Variants in EPB41L4A observed in about 807,000 individuals in gnomAD.
EPB41L4A encodes the protein band 4.1-like protein 4A.
Under a neutral mutation model 108.6 loss-of-function variants are expected in EPB41L4A, and 100 were observed. That is an observed-to-expected ratio of 0.92 (90% CI 0.78 to 1.09). The LOEUF (loss-of-function observed/expected upper bound fraction) is 1.09. Ranked by LOEUF, EPB41L4A falls within the 50% of genes least tolerant of loss-of-function variation. The pLI, the probability that EPB41L4A is intolerant of heterozygous loss-of-function variation, is 0.00. For synonymous variants in EPB41L4A, 319 were observed against 289.0 expected, an observed-to-expected ratio of 1.10 and a Z score of -1.05; for missense variants, 1,030 against 842.7, an observed-to-expected ratio of 1.22 and a Z score of -2.75.
chr5:112,144,569 G>A (rs564456611), intron 13 of EPB41L4A, among the ~76,000 whole-genome samples: 2 of 152,142 alleles, frequency 1.3e-5, no homozygotes, highest in African/African-American at 2.4e-5. Flanking sequence ...GAGCCACCGC[G>A]CCTGGTCTTG....
intron 9 of EPB41L4A, among the ~76,000 whole-genome samples, chr5:112,254,744 C>T (rs1750948648): frequency 6.6e-6 from 1 of 152,122 alleles, no homozygotes; most frequent in Admixed American, 6.5e-5. Context: ...CTCCTTATCT[C>T]TGTATATCTC....
chr5:112,274,880 C>A (rs1373593003), intron 4 of EPB41L4A, among the ~76,000 whole-genome samples: 1 of 152,176 alleles, frequency 6.6e-6, no homozygotes, highest in African/African-American at 2.4e-5. Context: ...ATTATCTTCT[C>A]ATTTCCTATA....
chr5:112,398,020 C>A (rs571594413), intron 1 of EPB41L4A, among the ~76,000 whole-genome samples: 12 of 152,156 alleles, frequency 7.9e-5, no homozygotes, highest in African/African-American at 2.7e-4. Flanking sequence ...AGGCTGGAGA[C>A]AATTGTAAGC....
At chr5:112,175,926 C>T (rs183974455) in intron 18 of EPB41L4A, among the ~76,000 whole-genome samples, 4 of 152,208 alleles carry the variant, frequency 2.6e-5, no homozygotes, top group South Asian at 4.2e-4. Context: ...CCACCATACC[C>T]AGCTTATATT....
chr5:112,330,821 T>C lies in EPB41L4A; in HGVS notation c.100-23331A>G, dbSNP rs115859223. 3.7e-3 allele frequency among the ~76,000 whole-genome samples: 565 copies of C among 152,222 alleles called. 5 individuals are homozygous for C. Among genetic ancestry groups the C allele is most frequent in the African/African-American group, 0.013 (539 of 41,532 alleles). On this transcript the variant is annotated intron_variant, in intron 1 of 22. Coordinates refer to ENST00000261486, the MANE Select transcript of EPB41L4A (RefSeq NM_022140.5). ...ATATATGTTAATATGCATATTTTCA[T>C]ATAGATTTAGAAAAAAATCATCAAG...
At chr5:112,354,583 G>A (rs990114934) in intron 1 of EPB41L4A, among the ~76,000 whole-genome samples, 2 of 152,108 alleles carry the variant, frequency 1.3e-5, no homozygotes, top group African/African-American at 4.8e-5. Context: ...ACCTTACCTC[G>A]CTTCCAAAAT....
In EPB41L4A at chr5:112,265,012, C is replaced by A; in HGVS notation, c.438G>T (p.Glu146Asp). Residue 146 changes from glutamate to aspartate, a missense_variant, in exon 6 of 23, where the codon GAG (glutamate) becomes GAT (aspartate). Glu to Asp is a conservative substitution (Grantham distance 45, BLOSUM62 2). Transcript: ENST00000261486. ...GTTTATATGGGTCATAATCTCCAAG[C>A]TCCGCTAAAAAAGAAAGATAACATA... The part of the protein sequence containing the change: ...AQLGAYAIQS[E>D]LGDYDPYKHT... 6.4e-7 allele frequency: 1 copy of A among 1,569,154 alleles called. No individual in the cohort carries two copies. The highest frequency in any genetic ancestry group is 8.6e-7 in the Non-Finnish European group (1 of 1,162,640).
At chr5:112,198,184 A>G (rs1762053655) in intron 15 of EPB41L4A, among the ~76,000 whole-genome samples, 1 of 151,852 alleles carries the variant, frequency 6.6e-6, no homozygotes, top group Non-Finnish European at 1.5e-5. Flanking sequence ...ACAGGCATGC[A>G]CCACCACGCC....
At chr5:112,347,885 C>T (rs576689266) in intron 1 of EPB41L4A, among the ~76,000 whole-genome samples, 1 of 152,300 alleles carries the variant, frequency 6.6e-6, no homozygotes, top group African/African-American at 2.4e-5. Flanking sequence ...CTCCAATACA[C>T]CCAACCTATT....
At chr5:112,159,540 A>G (rs887550520), downstream of EPB41L4A, among the ~76,000 whole-genome samples, 1 of 152,222 alleles carries the variant, frequency 6.6e-6, no homozygotes, top group African/African-American at 2.4e-5. Context: ...CCTGTGTGAC[A>G]AGACCCTAAG....
intron 12 of EPB41L4A, among the ~76,000 whole-genome samples, chr5:112,155,654 C>T (rs1471969621): frequency 7.2e-5 from 11 of 151,992 alleles, no homozygotes; most frequent in South Asian, 4.1e-4. Context: ...TGTTAAAGAA[C>T]TTTATAGAAA....
chr5:112,317,865 A>G (rs1442320857), intron 1 of EPB41L4A, among the ~76,000 whole-genome samples: 1 of 152,176 alleles, frequency 6.6e-6, no homozygotes, highest in Non-Finnish European at 1.5e-5. Context: ...TTAATGGTAA[A>G]CAGATACAGA....
intron 9 of EPB41L4A, among the ~76,000 whole-genome samples, chr5:112,242,666 C>A (rs1180335411): frequency 6.6e-6 from 1 of 152,172 alleles, no homozygotes; most frequent in East Asian, 1.9e-4. Flanking sequence ...TTGTCCAGAT[C>A]CATTAGAGAA....
intron 22 of EPB41L4A, among the ~76,000 whole-genome samples, chr5:112,166,871 C>T (rs1561442567): frequency 6.6e-6 from 1 of 152,212 alleles, no homozygotes; most frequent in Admixed American, 6.5e-5. Context: ...GCCCTTAGGC[C>T]ATGGTTTGCT....
At chr5:112,403,623 C>CA (rs1761917496) in intron 1 of EPB41L4A, among the ~76,000 whole-genome samples, 1 of 152,120 alleles carries the variant, frequency 6.6e-6, no homozygotes. Flanking sequence ...CTCACACCAC[C>CA]ATGCTGGCTA....
At chr5:112,224,782 G>C (rs1443431936) in intron 12 of EPB41L4A, among the ~76,000 whole-genome samples, 1 of 152,110 alleles carries the variant, frequency 6.6e-6, no homozygotes, top group African/African-American at 2.4e-5. Context: ...CACAGACTTG[G>C]ACCATAACTC....
chr5:112,386,696 T>C (rs1481451773), intron 1 of EPB41L4A, among the ~76,000 whole-genome samples: 1 of 152,180 alleles, frequency 6.6e-6, no homozygotes, highest in African/African-American at 2.4e-5. Flanking sequence ...TTTAGGATAA[T>C]AAATACAGGA....
At chr5:112,326,428 T>C (rs2150645595) in intron 1 of EPB41L4A, among the ~76,000 whole-genome samples, 1 of 152,276 alleles carries the variant, frequency 6.6e-6, no homozygotes, top group South Asian at 2.1e-4. Context: ...CAAACCCCCT[T>C]AAGGAATTAT....
At chr5:112,239,824 AAG>A (rs747623232) in intron 10 of EPB41L4A, 87 bp from the exon 11 acceptor site, 1 of 747,418 alleles carries the variant, frequency 1.3e-6, no homozygotes, top group Non-Finnish European at 2.2e-6. Context: ...AAACTTTATA[AAG>A]GACTCCAGCC....
Sources: gnomAD v4.1 joint callset for allele counts (sites outside exome capture counted in the v4.1 genomes callset) on GRCh38, gnomAD v4.1.1 for gene constraint, MANE v1.5 for transcripts, NCBI Gene and HGNC (gene_info 2026-07-23, HGNC 2026-07-21) for gene names.